RBFOX1: variants seen among roughly 807,000 people sequenced by gnomAD.
RBFOX1 encodes the protein RNA binding protein fox-1 homolog 1.
Under a neutral mutation model 57.7 loss-of-function variants are expected in RBFOX1, and 8 were observed. That is an observed-to-expected ratio of 0.14 (90% CI 0.08 to 0.25). The LOEUF (loss-of-function observed/expected upper bound fraction) is 0.25, where lower values mean the gene tolerates loss of function less well. RBFOX1 is among the 10% of genes least tolerant of loss of function. The pLI is 1.00. For missense variants in RBFOX1, 611 were observed against 548.5 expected, an observed-to-expected ratio of 1.11 and a Z score of -1.14; for synonymous variants, 326 against 222.4, an observed-to-expected ratio of 1.47 and a Z score of -4.15.
At chr16:7,281,058 A>G (rs1327178327) in intron 4 of RBFOX1, among the ~76,000 whole-genome samples, 2 of 144,860 alleles carry the variant, frequency 1.4e-5, no homozygotes, top group Non-Finnish European at 3.0e-5. Context: ...GCTGAAGTGC[A>G]GTGGCACAGT....
At chr16:6,916,841 T>C (rs1019995809) in intron 3 of RBFOX1, among the ~76,000 whole-genome samples, 1 of 152,120 alleles carries the variant, frequency 6.6e-6, no homozygotes, top group Non-Finnish European at 1.5e-5. Flanking sequence ...TTTTTTTATT[T>C]GTTTGTTTTT....
Position 7,710,884 on chromosome 16 carries a change from CA to C in RBFOX1, c.*140del. ...TACAAATAAAAAGGAAAAAAAATTA[CA>C]TTTTTTATCTTATACCTCAGATATT... is the stretch of plus-strand genomic sequence containing the variant. On this transcript the variant is annotated 3_prime_UTR_variant, in exon 16 of 16. Coordinates refer to ENST00000550418, the MANE Select transcript of RBFOX1 (RefSeq NM_018723.4). The C allele has an allele frequency of 1.1e-6, 1 of 895,022 alleles. No homozygotes were observed. Among genetic ancestry groups the C allele is most frequent in the Non-Finnish European group, 1.5e-6 (1 of 664,250 alleles). The allele number at this position is 895,022 out of a possible 1,614,324, so 55.4% of individuals were successfully genotyped here.
chr16:6,070,754 T>G (rs1390098685), intron 1 of RBFOX1, among the ~76,000 whole-genome samples: 2 of 152,068 alleles, frequency 1.3e-5, no homozygotes, highest in Non-Finnish European at 2.9e-5. Context: ...AAATGTATTT[T>G]TTGTCCTCTA....
chr16:7,574,687 G>C (rs1234031750), intron 5 of RBFOX1, among the ~76,000 whole-genome samples: 3 of 152,100 alleles, frequency 2.0e-5, no homozygotes, highest in Non-Finnish European at 4.4e-5. Flanking sequence ...GGGTGGGTTG[G>C]CCAGTCCACT....
intron 14 of RBFOX1, among the ~76,000 whole-genome samples, chr16:7,707,173 G>A (rs1052098814): frequency 3.9e-5 from 6 of 152,130 alleles, no homozygotes; most frequent in African/African-American, 1.4e-4. Flanking sequence ...CTCATCAAGT[G>A]CCCTTTGACA....
intron 4 of RBFOX1, among the ~76,000 whole-genome samples, chr16:5,915,433 G>T (rs1276528654): frequency 6.6e-6 from 1 of 152,144 alleles, no homozygotes; most frequent in African/African-American, 2.4e-5. Context: ...TCCATTCAAT[G>T]AACACTTTAG....
intron 3 of RBFOX1, among the ~76,000 whole-genome samples, chr16:6,849,288 C>T (rs1284695115): frequency 6.6e-6 from 1 of 152,146 alleles, no homozygotes; most frequent in African/African-American, 2.4e-5. Flanking sequence ...CTGCAATATT[C>T]TGCTCATTGG....
At chr16:7,473,045 C>G (rs1339907465) in intron 4 of RBFOX1, among the ~76,000 whole-genome samples, 3 of 152,230 alleles carry the variant, frequency 2.0e-5, no homozygotes, top group South Asian at 4.1e-4. Context: ...AAGAATGTCT[C>G]TGTCCAAGGG....
chr16:6,035,197 A>C (rs2095349792), intron 1 of RBFOX1, among the ~76,000 whole-genome samples: 1 of 152,160 alleles, frequency 6.6e-6, no homozygotes, highest in South Asian at 2.1e-4. Context: ...TTGCCCCACT[A>C]ACTCAGACAA....
At chr16:5,333,745 A>G (rs1749245902) in intron 1 of RBFOX1, among the ~76,000 whole-genome samples, 1 of 152,230 alleles carries the variant, frequency 6.6e-6, no homozygotes, top group South Asian at 2.1e-4. Context: ...AGGCTATATT[A>G]TGGTGTACTT....
chr16:6,599,000 G>A (rs188366145), intron 2 of RBFOX1, among the ~76,000 whole-genome samples: 90 of 152,172 alleles, frequency 5.9e-4, no homozygotes, highest in Middle Eastern at 3.4e-3. Flanking sequence ...GTGTCAGCAC[G>A]TAAGGTGACA....
chr16:5,752,815 T>G (rs577113089), intron 3 of RBFOX1, among the ~76,000 whole-genome samples: 1 of 152,266 alleles, frequency 6.6e-6, no homozygotes, highest in South Asian at 2.1e-4. Flanking sequence ...TTGAGGCATA[T>G]GTTGAGTTTC....
chr16:5,649,247 C>T (rs1346240081), intron 3 of RBFOX1, among the ~76,000 whole-genome samples: 1 of 152,024 alleles, frequency 6.6e-6, no homozygotes. Context: ...TGGCTCACTG[C>T]AACCTCCGCC....
At chr16:7,434,722 G>T (rs886534334) in intron 4 of RBFOX1, among the ~76,000 whole-genome samples, 3 of 142,174 alleles carry the variant, frequency 2.1e-5, no homozygotes, top group African/African-American at 5.0e-5. Flanking sequence ...CGTCTAGTTT[G>T]CCCTCTTGTT....
intron 3 of RBFOX1, among the ~76,000 whole-genome samples, chr16:6,991,216 C>T (rs1258490331): frequency 6.9e-6 from 1 of 145,752 alleles, no homozygotes; most frequent in South Asian, 2.3e-4. Flanking sequence ...AGGAGAATTA[C>T]TTGAGCCTGG....
chr16:6,410,014 C>T (rs905965267), intron 2 of RBFOX1, among the ~76,000 whole-genome samples: 1 of 152,126 alleles, frequency 6.6e-6, no homozygotes, highest in African/African-American at 2.4e-5. Flanking sequence ...TCAATTTGTC[C>T]TCTACGAGGC....
At chr16:5,380,108 T>C (rs2066093613) in intron 1 of RBFOX1, among the ~76,000 whole-genome samples, 2 of 152,164 alleles carry the variant, frequency 1.3e-5, no homozygotes, top group Non-Finnish European at 2.9e-5. Context: ...ATTATTTATT[T>C]TGAGTGTGCC....
chr16:7,661,108 A>C (rs990070799), intron 12 of RBFOX1, among the ~76,000 whole-genome samples: 5 of 152,170 alleles, frequency 3.3e-5, no homozygotes, highest in Non-Finnish European at 7.3e-5. Flanking sequence ...ACTATTAGGG[A>C]GAAAAACAAT....
intron 3 of RBFOX1, among the ~76,000 whole-genome samples, chr16:6,804,539 A>G (rs575721048): frequency 8.5e-5 from 13 of 152,256 alleles, no homozygotes; most frequent in Non-Finnish European, 1.5e-4. Context: ...AGAATTCTAA[A>G]TTGGACTCTA....
Sources: allele counts gnomAD v4.1 joint callset (sites outside exome capture counted in the v4.1 genomes callset), GRCh38; gene constraint gnomAD v4.1.1; transcripts MANE v1.5; gene names NCBI Gene and HGNC (gene_info 2026-07-23, HGNC 2026-07-21).